ABAT: variants seen among roughly 807,000 people sequenced by gnomAD.
ABAT encodes the protein 4-aminobutyrate aminotransferase, mitochondrial.
In ABAT, 45 loss-of-function variants were observed where a neutral mutation model predicts 64.6. That is an observed-to-expected ratio of 0.70 (90% CI 0.55 to 0.89). ABAT has a LOEUF of 0.89. Among genes scored for constraint, ABAT ranks in the 40% least tolerant of loss-of-function variants. The pLI is 0.00. For synonymous variants in ABAT, 297 were observed against 250.5 expected, an observed-to-expected ratio of 1.19 and a Z score of -1.75; for missense variants, 633 against 658.4, an observed-to-expected ratio of 0.96 and a Z score of 0.42.
Position 8,784,343 on chromosome 16 carries a change from C to T in ABAT, c.*2913C>T, listed in dbSNP as rs867353342. 3 of 152,652 alleles carry T rather than the reference C, an allele frequency of 2.0e-5. No individual in the cohort carries two copies. The highest frequency in any genetic ancestry group is 7.2e-5 in the African/African-American group (3 of 41,536). The allele number at this position is 152,652 out of a possible 1,614,324, so 9.5% of individuals were successfully genotyped here. A position where few individuals can be genotyped will look rare whatever the true frequency, so the allele number is the denominator to read the frequency against. ...GTATAGCATTAATGTATCTACATAC[C>T]TACACCTATCTATATATAAGCTCAT... On this transcript the variant is annotated 3_prime_UTR_variant, in exon 16 of 16. Coordinates refer to ENST00000268251, the MANE Select transcript of ABAT (RefSeq NM_020686.6).
rs759493064 is a variant in ABAT at position 8,776,301 on chromosome 16, G to A, written c.1123-43G>A. ...CTGGGGTAAGTGACTCCTGCAGGGT[G>A]TGCATGTGTGTGAAGCCTTCCAACA... On this transcript the variant is annotated intron_variant, in intron 13 of 15. Transcript: ENST00000268251. The surrounding 1 kb of genome is among the most constrained non-coding windows in gnomAD (Gnocchi z 4.4). The A allele has an allele frequency of 2.5e-6, 4 of 1,613,676 alleles. No individual in the cohort carries two copies. The highest frequency in any genetic ancestry group is 2.5e-6 in the Non-Finnish European group (3 of 1,180,000).
At chr16:8,771,546 G>C (rs893737466) in intron 11 of ABAT, among the ~76,000 whole-genome samples, 20 of 148,982 alleles carry the variant, frequency 1.3e-4, no homozygotes, top group African/African-American at 4.8e-4. Flanking sequence ...TCGGCTCATT[G>C]CAACTTCTAC....
intron 1 of ABAT, among the ~76,000 whole-genome samples, chr16:8,729,183 C>G (rs1320179941): frequency 2.0e-5 from 3 of 151,966 alleles, no homozygotes; most frequent in African/African-American, 7.2e-5. Flanking sequence ...CGGCGTTCGC[C>G]TGTAGTTCCA....
At chr16:8,729,046 C>G (rs1342226604) in intron 1 of ABAT, among the ~76,000 whole-genome samples, 1 of 152,144 alleles carries the variant, frequency 6.6e-6, no homozygotes, top group Non-Finnish European at 1.5e-5. Flanking sequence ...GTGGCTCACG[C>G]CTGTAATCTC....
At chr16:8,769,261 A>G (rs2142980071) in intron 11 of ABAT, among the ~76,000 whole-genome samples, 2 of 152,310 alleles carry the variant, frequency 1.3e-5, no homozygotes, top group Middle Eastern at 6.8e-3. Context: ...AAATAAGAGA[A>G]AACAGATCAG....
intron 12 of ABAT, 39 bp from the exon 13 acceptor site, chr16:8,774,851 C>T (rs758437623): frequency 2.7e-5 from 43 of 1,611,416 alleles, no homozygotes; most frequent in East Asian, 4.5e-5. Flanking sequence ...TGGCCTCCCA[C>T]GGGTGTTTAT....
intron 1 of ABAT, among the ~76,000 whole-genome samples, chr16:8,705,689 C>T (rs775495311): frequency 1.3e-5 from 2 of 152,106 alleles, no homozygotes; most frequent in East Asian, 1.9e-4. Context: ...CCAGGCAGTT[C>T]GTTGGTTGGT....
At chr16:8,728,661 G>C (rs531227784) in intron 1 of ABAT, among the ~76,000 whole-genome samples, 2 of 152,074 alleles carry the variant, frequency 1.3e-5, no homozygotes, top group African/African-American at 4.8e-5. Context: ...GGATCACAAG[G>C]TCAGGAGATT....
At chr16:8,732,205 T>TG (rs965164798) in intron 1 of ABAT, among the ~76,000 whole-genome samples, 4 of 22,534 alleles carry the variant, frequency 1.8e-4, no homozygotes, top group African/African-American at 3.7e-4. Context: ...TGTTTTTTTT[T>TG]TTTGTTTGTT....
chr16:8,715,448 T>C (rs1336259873), intron 1 of ABAT: 1 of 151,730 alleles, frequency 6.6e-6, no homozygotes, highest in Non-Finnish European at 1.5e-5. Flanking sequence ...GGAGACCCCA[T>C]CTCTACAAAA....
At chr16:8,727,810 T>C (rs1819100348) in intron 1 of ABAT, among the ~76,000 whole-genome samples, 1 of 152,236 alleles carries the variant, frequency 6.6e-6, no homozygotes, top group Non-Finnish European at 1.5e-5. Context: ...GGCTCATGCC[T>C]GTAATCCCAA....
intron 1 of ABAT, among the ~76,000 whole-genome samples, chr16:8,723,936 G>A (rs1207056070): frequency 1.4e-5 from 2 of 143,196 alleles, no homozygotes; most frequent in Admixed American, 7.3e-5. Context: ...CACCTCCCGG[G>A]TTCAAGCAAT....
At chr16:8,702,991 A>G (rs1596406100) in intron 1 of ABAT, among the ~76,000 whole-genome samples, 1 of 152,106 alleles carries the variant, frequency 6.6e-6, no homozygotes, top group Non-Finnish European at 1.5e-5. Flanking sequence ...ACTAGGTGTG[A>G]TGCATGAGAG....
intron 11 of ABAT, among the ~76,000 whole-genome samples, chr16:8,770,320 A>C (rs974962641): frequency 6.6e-6 from 1 of 151,896 alleles, no homozygotes; most frequent in African/African-American, 2.4e-5. Flanking sequence ...TGTATTTTTA[A>C]TAGAGACAGG....
At position 8,766,222 on chromosome 16, in the gene ABAT, G is replaced by A. The variant is rs147765799; in HGVS notation, c.555G>A (p.Gly185=). Residue 185 remains glycine, a synonymous_variant, in exon 9 of 16, where the codon GGG becomes GGA. Coordinates refer to ENST00000268251, the MANE Select transcript of ABAT (RefSeq NM_020686.6). ...IFMWYRSKER[G]QRGFSQEELE... ...TATTGTTTCAGAGCAAGGAAAGAGG[G>A]CAGAGGGGCTTCTCCCAGGAGGAGC... 27 of 1,613,910 alleles carry A rather than the reference G, an allele frequency of 1.7e-5. No individual in the cohort carries two copies. Among genetic ancestry groups the A allele is most frequent in the East Asian group, 2.2e-5 (1 of 44,890 alleles).
intron 2 of ABAT, among the ~76,000 whole-genome samples, chr16:8,739,253 C>T (rs1349389301): frequency 2.0e-5 from 3 of 152,172 alleles, no homozygotes; most frequent in Non-Finnish European, 4.4e-5. Context: ...TAAGGAGACA[C>T]CATGGGAAGA....
rs141007109 is a variant in ABAT at position 8,754,050 on chromosome 16, A to T, written c.316+3511A>T. Among the ~76,000 whole-genome samples the T allele has an allele frequency of 2.3e-3, 350 of 152,096 alleles. 3 individuals are homozygous for T. Among genetic ancestry groups the T allele is most frequent in the African/African-American group, 8.1e-3 (337 of 41,494 alleles). ...CACATTGACATAAAGTCTCCTTTCA[A>T]AGCAAATGTATTTGGATGGACACAG... On this transcript the variant is annotated intron_variant, in intron 5 of 15. Transcript: ENST00000268251.
At chr16:8,722,812 T>G in intron 1 of ABAT, 1 of 1,289,080 alleles carries the variant, frequency 7.8e-7, no homozygotes, top group Non-Finnish European at 1.0e-6. Context: ...CCTGGTAGAA[T>G]CAAAGAGGGA....
intron 1 of ABAT, among the ~76,000 whole-genome samples, chr16:8,686,488 G>C (rs1380635771): frequency 6.6e-6 from 1 of 152,186 alleles, no homozygotes; most frequent in Non-Finnish European, 1.5e-5. Context: ...CCATGATAAT[G>C]ACAATGACCC....
Sources: gnomAD v4.1 joint callset for allele counts (sites outside exome capture counted in the v4.1 genomes callset) on GRCh38, gnomAD v4.1.1 for gene constraint, Gnocchi (gnomAD v3.1) non-coding constraint, MANE v1.5 for transcripts, NCBI Gene and HGNC (gene_info 2026-07-23, HGNC 2026-07-21) for gene names.